BORCS5: variants seen among roughly 807,000 people sequenced by gnomAD.
BORCS5 encodes BLOC-1 related complex subunit 5, also known as BLOC-1-related complex subunit 5.
A neutral mutation model predicts 22.1 loss-of-function variants in BORCS5; 17 were observed. That is an observed-to-expected ratio of 0.77 (90% confidence interval 0.53 to 1.15). The LOEUF is 1.15. Ranked by LOEUF, BORCS5 falls within the 50% of genes most tolerant of loss-of-function variation. The pLI is 0.00. For missense variants in BORCS5, 247 were observed against 253.2 expected, an observed-to-expected ratio of 0.98 and a Z score of 0.17; for synonymous variants, 117 against 99.8, an observed-to-expected ratio of 1.17 and a Z score of -1.03.
intron 2 of BORCS5, among the ~76,000 whole-genome samples, chr12:12,411,781 T>C (rs949694784): frequency 2.0e-5 from 3 of 152,208 alleles, no homozygotes; most frequent in Non-Finnish European, 4.4e-5. Context: ...ATTTAGGTCA[T>C]GGATTCATTG....
rs531362281 is a variant in BORCS5 at position 12,415,717 on chromosome 12, A to G, written c.203-19911A>G. On this transcript the variant is annotated intron_variant, in intron 2 of 3. Coordinates refer to ENST00000314565, the MANE Select transcript of BORCS5 (RefSeq NM_058169.6). Reference sequence around the variant, plus strand: ...TGTATAATCCTTTTATATGCTCCTGAATTTGGTTTACTAGGATTTTGTTTG... The same window carrying G: ...TGTATAATCCTTTTATATGCTCCTGGATTTGGTTTACTAGGATTTTGTTTG... Among the ~76,000 whole-genome samples, 41 of 151,790 alleles carry G rather than the reference A, an allele frequency of 2.7e-4. No individual in the cohort carries two copies. In the South Asian group the frequency reaches 8.1e-3, roughly 30 times the overall value.
chr12:12,409,293 C>T (rs946851550), intron 2 of BORCS5, among the ~76,000 whole-genome samples: 9 of 152,012 alleles, frequency 5.9e-5, no homozygotes, highest in Non-Finnish European at 1.3e-4. Context: ...CATATGTATA[C>T]ATGTGCCATG....
intron 2 of BORCS5, among the ~76,000 whole-genome samples, chr12:12,417,081 C>T (rs1474102007): frequency 2.6e-5 from 4 of 152,012 alleles, no homozygotes; most frequent in Non-Finnish European, 4.4e-5. Context: ...GTGAGTCATC[C>T]TGCCCAGCCT....
At chr12:12,413,846 C>A (rs1198342068) in intron 2 of BORCS5, among the ~76,000 whole-genome samples, 1 of 71,238 alleles carries the variant, frequency 1.4e-5, no homozygotes. Flanking sequence ...CTGGCCCCCC[C>A]ACCTCCCTCC....
At chr12:12,365,054 A>C (rs143047513) in intron 2 of BORCS5, among the ~76,000 whole-genome samples, 110 of 152,352 alleles carry the variant, frequency 7.2e-4, no homozygotes, top group African/African-American at 2.4e-3. Context: ...GGTTGCATTG[A>C]TAAATGAGTT....
Position 12,407,461 on chromosome 12 carries a change from A to G in BORCS5, c.203-28167A>G, listed in dbSNP as rs566054866. ...TTGCTTAGCAAAAATTAAAATCAAC[A>G]TACCTGACTTTGTAATTGTAAAATA... On this transcript the variant is annotated intron_variant, in intron 2 of 3. Transcript: ENST00000314565. Among the ~76,000 whole-genome samples the G allele has an allele frequency of 3.3e-5, 5 of 152,156 alleles. No individual in the cohort carries two copies. In the East Asian group the frequency reaches 9.7e-4, roughly 29 times the overall value.
chr12:12,423,387 C>T (rs111600112), intron 2 of BORCS5, among the ~76,000 whole-genome samples: 39 of 151,484 alleles, frequency 2.6e-4, no homozygotes, highest in African/African-American at 8.7e-4. Flanking sequence ...CCTGCAGGAC[C>T]CCCTTTAGCA....
intron 3 of BORCS5, among the ~76,000 whole-genome samples, chr12:12,465,126 C>T (rs1241757195): frequency 1.3e-4 from 20 of 152,118 alleles, no homozygotes; most frequent in Admixed American, 1.3e-3. Context: ...CACACACCAC[C>T]ACGCCCATCT....
intron 2 of BORCS5, among the ~76,000 whole-genome samples, chr12:12,396,224 T>C (rs908717254): frequency 6.6e-6 from 1 of 152,182 alleles, no homozygotes. Flanking sequence ...TGACCTCAAG[T>C]GATCTGCCCG....
chr12:12,428,559 C>T (rs142831526), intron 2 of BORCS5, among the ~76,000 whole-genome samples: 10 of 111,626 alleles, frequency 9.0e-5, no homozygotes, highest in African/African-American at 3.5e-4. Flanking sequence ...GGTGCATCCC[C>T]GTATTAAACT....
chr12:12,422,950 A>G (rs937418784), intron 2 of BORCS5, among the ~76,000 whole-genome samples: 1 of 151,478 alleles, frequency 6.6e-6, no homozygotes, highest in Non-Finnish European at 1.5e-5. Flanking sequence ...GTTACGAACC[A>G]TGGTTACAAA....
chr12:12,424,845 G>GC (rs1942238060), intron 2 of BORCS5, among the ~76,000 whole-genome samples: 1 of 152,102 alleles, frequency 6.6e-6, no homozygotes, highest in Non-Finnish European at 1.5e-5. Flanking sequence ...CCCTATATAT[G>GC]TGGTTGCTTT....
At chr12:12,446,490 C>G (rs1027037498) in intron 3 of BORCS5, among the ~76,000 whole-genome samples, 2 of 152,212 alleles carry the variant, frequency 1.3e-5, no homozygotes, top group African/African-American at 2.4e-5. Context: ...ACCCTGCTCA[C>G]TGTCGTGTTT....
chr12:12,409,813 C>A (rs1592096911), intron 2 of BORCS5, among the ~76,000 whole-genome samples: 2 of 151,488 alleles, frequency 1.3e-5, no homozygotes, highest in East Asian at 1.9e-4. Context: ...ACACTGACTT[C>A]CACAATGGTT....
chr12:12,409,144 A>G (rs1941659000), intron 2 of BORCS5, among the ~76,000 whole-genome samples: 1 of 151,588 alleles, frequency 6.6e-6, no homozygotes, highest in South Asian at 2.1e-4. Flanking sequence ...GTGAGGGGGC[A>G]TCTCATTTTA....
intron 2 of BORCS5, among the ~76,000 whole-genome samples, chr12:12,402,804 T>C (rs1007239877): frequency 1.4e-4 from 21 of 152,258 alleles, no homozygotes; most frequent in African/African-American, 4.8e-4. Context: ...GCTTCTACTG[T>C]AATTAACATG....
In BORCS5 at chr12:12,414,180, C is replaced by G. The variant is rs1246428996; in HGVS notation, c.203-21448C>G. Among the ~76,000 whole-genome samples the G allele has an allele frequency of 9.1e-5, 9 of 99,266 alleles. 1 individual carries two copies. Among genetic ancestry groups the G allele is most frequent in the African/African-American group, 3.2e-4 (8 of 24,832 alleles). The allele number at this position is 99,266 out of a possible 152,430, so 65.1% of individuals were successfully genotyped here. On this transcript the variant is annotated intron_variant, in intron 2 of 3. Transcript: ENST00000314565. The stretch of plus-strand genomic sequence containing the variant: ...GGGGCTGACCCCCCCACCTCCCTCC[C>G]GGATGGGGCGGCTGGCCAGGCGGGG...
chr12:12,427,341 C>T (rs982706703), intron 2 of BORCS5, among the ~76,000 whole-genome samples: 5 of 151,964 alleles, frequency 3.3e-5, no homozygotes, highest in Non-Finnish European at 7.4e-5. Flanking sequence ...CCACCACGCC[C>T]AGCTAATTTT....
intron 2 of BORCS5, among the ~76,000 whole-genome samples, chr12:12,390,346 A>G (rs898479042): frequency 3.9e-5 from 6 of 152,126 alleles, no homozygotes; most frequent in Non-Finnish European, 2.9e-5. Flanking sequence ...TCCTAAATTG[A>G]TACAATCTTT....
Sources: allele counts gnomAD v4.1 joint callset (sites outside exome capture counted in the v4.1 genomes callset), GRCh38; gene constraint gnomAD v4.1.1; transcripts MANE v1.5; gene names NCBI Gene and HGNC (gene_info 2026-07-23, HGNC 2026-07-21).